PARD3B: variants seen among roughly 807,000 people sequenced by gnomAD.
PARD3B encodes par-3 family cell polarity regulator beta.
PARD3B carries 103 observed loss-of-function variants against 130.2 expected under a neutral mutation model. That is an observed-to-expected ratio of 0.79 (90% CI 0.67 to 0.93). PARD3B has a LOEUF of 0.93. PARD3B is among the 40% of genes least tolerant of loss of function. The pLI is 0.00. For synonymous variants in PARD3B, 583 were observed against 553.2 expected (o/e 1.05, Z -0.76); for missense variants, 1,609 against 1,499.2 (o/e 1.07, Z -1.21).
chr2:204,954,883 G>A (rs1188494695), intron 2 of PARD3B, among the ~76,000 whole-genome samples: 4 of 152,174 alleles, frequency 2.6e-5, no homozygotes, highest in Non-Finnish European at 4.4e-5. Flanking sequence ...TTCTTTATTT[G>A]TCTTTAGAAG....
intron 2 of PARD3B, among the ~76,000 whole-genome samples, chr2:204,860,265 C>T (rs1340891141): frequency 6.6e-6 from 1 of 151,984 alleles, no homozygotes; most frequent in African/African-American, 2.4e-5. Context: ...GAGCTTTTTG[C>T]CATCTTTAGA....
chr2:204,756,131 T>G (rs2125398492), intron 2 of PARD3B, among the ~76,000 whole-genome samples: 1 of 152,214 alleles, frequency 6.6e-6, no homozygotes, highest in South Asian at 2.1e-4. Flanking sequence ...ATGTTAGTGT[T>G]CTGGGCAAAG....
chr2:205,156,383 G>A (rs925870799), intron 10 of PARD3B, among the ~76,000 whole-genome samples: 2 of 151,464 alleles, frequency 1.3e-5, no homozygotes, highest in Non-Finnish European at 2.9e-5. Context: ...TGCACATTGT[G>A]CACATGTACC....
intron 22 of PARD3B, among the ~76,000 whole-genome samples, chr2:205,594,152 C>A (rs1251810692): frequency 2.0e-5 from 3 of 152,174 alleles, no homozygotes; most frequent in African/African-American, 7.2e-5. Context: ...TGGAGGCCAC[C>A]TACACAAATG....
chr2:204,987,579 C>G (rs1693275573), intron 3 of PARD3B, among the ~76,000 whole-genome samples: 1 of 152,144 alleles, frequency 6.6e-6, no homozygotes, highest in African/African-American at 2.4e-5. Context: ...TCTGTAGTCC[C>G]TGGCACAATG....
chr2:205,051,546 G>T (rs1246847409), intron 4 of PARD3B, among the ~76,000 whole-genome samples: 1 of 152,178 alleles, frequency 6.6e-6, no homozygotes, highest in Admixed American at 6.5e-5. Flanking sequence ...TTGAAATACT[G>T]CCTTTAAAAC....
chr2:205,069,274 T>A (rs1700573576), intron 4 of PARD3B, among the ~76,000 whole-genome samples: 1 of 152,086 alleles, frequency 6.6e-6, no homozygotes, highest in African/African-American at 2.4e-5. Context: ...TTTGGTTAGA[T>A]TTTTTTCTGG....
At chr2:204,932,176 A>G (rs1688083435) in intron 2 of PARD3B, among the ~76,000 whole-genome samples, 1 of 152,120 alleles carries the variant, frequency 6.6e-6, no homozygotes, top group African/African-American at 2.4e-5. Flanking sequence ...GATTGACACA[A>G]AAATTGTTCA....
chr2:204,567,432 C>G (rs2031741282), intron 1 of PARD3B, among the ~76,000 whole-genome samples: 2 of 152,144 alleles, frequency 1.3e-5, no homozygotes, highest in African/African-American at 4.8e-5. Context: ...AATTTGACTA[C>G]TCTAGATACC....
At chr2:204,674,594 G>A (rs2036449179) in intron 1 of PARD3B, among the ~76,000 whole-genome samples, 1 of 152,104 alleles carries the variant, frequency 6.6e-6, no homozygotes. Flanking sequence ...TTGTCTTAGA[G>A]TTAGTTTATT....
intron 3 of PARD3B, among the ~76,000 whole-genome samples, chr2:204,974,294 T>C (rs997549039): frequency 6.6e-5 from 10 of 152,320 alleles, no homozygotes; most frequent in Non-Finnish European, 1.2e-4. Flanking sequence ...GACTTGACTA[T>C]GGTTATGTAA....
chr2:205,562,998 T>C lies in PARD3B; in HGVS notation c.3260+9595T>C, dbSNP rs1348538226. ...TATTATAACATCTGATTTGTATGTT[T>C]GTGAGGCCTGTGCTTTATGATTATT... is the stretch of plus-strand genomic sequence containing the variant. On this transcript the variant is annotated intron_variant, in intron 22 of 22. Coordinates refer to ENST00000406610, the MANE Select transcript of PARD3B (RefSeq NM_001302769.2). This position sits in a 1 kb window ranked among gnomAD's most constrained non-coding sequence, Gnocchi z 5.4. 6.6e-6 allele frequency among the ~76,000 whole-genome samples: 1 copy of C among 152,238 alleles called. No individual in the cohort carries two copies. The highest frequency in any genetic ancestry group is 1.5e-5 in the Non-Finnish European group (1 of 68,038).
chr2:204,595,894 A>C (rs1362583508), intron 1 of PARD3B, among the ~76,000 whole-genome samples: 1 of 152,242 alleles, frequency 6.6e-6, no homozygotes, highest in Non-Finnish European at 1.5e-5. Flanking sequence ...CAGTGAAACA[A>C]AGAAGTAGAA....
chr2:205,138,711 A>G (rs767999504), intron 10 of PARD3B, among the ~76,000 whole-genome samples: 3 of 152,162 alleles, frequency 2.0e-5, no homozygotes, highest in Non-Finnish European at 4.4e-5. Context: ...ATTATGAAAG[A>G]TCTGTATATA....
rs2046387047 is a variant in PARD3B, at chr2:205,405,454, A to G, written c.2741+4331A>G. On this transcript the variant is annotated intron_variant, in intron 19 of 22. Coordinates refer to ENST00000406610, the MANE Select transcript of PARD3B (RefSeq NM_001302769.2). This position sits in a 1 kb window ranked among gnomAD's most constrained non-coding sequence, Gnocchi z 4.1. ...TTCACAAAGAGCAAGGTACTCTCCTAGACATCAGAATTGCATTGTGTCATA... is the reference window on the plus strand; with the variant it reads ...TTCACAAAGAGCAAGGTACTCTCCTGGACATCAGAATTGCATTGTGTCATA... Among the ~76,000 whole-genome samples the G allele has an allele frequency of 6.6e-6, 1 of 152,200 alleles. No individual in the cohort carries two copies.
chr2:205,099,957 A>T (rs976441123), intron 4 of PARD3B, among the ~76,000 whole-genome samples: 4 of 152,120 alleles, frequency 2.6e-5, no homozygotes, highest in Non-Finnish European at 5.9e-5. Context: ...CATTGACATG[A>T]TTTCTCCAAA....
intron 2 of PARD3B, among the ~76,000 whole-genome samples, chr2:204,753,636 C>T (rs2040552010): frequency 6.6e-6 from 1 of 152,102 alleles, no homozygotes; most frequent in Admixed American, 6.6e-5. Context: ...ATCTCTATGC[C>T]TCAATTTTCT....
chr2:204,770,864 G>T (rs1016792462), intron 2 of PARD3B, among the ~76,000 whole-genome samples: 10 of 152,036 alleles, frequency 6.6e-5, no homozygotes, highest in African/African-American at 2.4e-4. Context: ...CATTGACCAA[G>T]ATATGTTTAG....
chr2:205,112,140 C>T (rs1192811176), intron 5 of PARD3B, among the ~76,000 whole-genome samples: 1 of 152,046 alleles, frequency 6.6e-6, no homozygotes, highest in Non-Finnish European at 1.5e-5. Flanking sequence ...AAGCCTCTGA[C>T]ATAAGCTGCT....
Sources: gnomAD v4.1 joint callset for allele counts (sites outside exome capture counted in the v4.1 genomes callset) on GRCh38, gnomAD v4.1.1 for gene constraint, Gnocchi (gnomAD v3.1) non-coding constraint, MANE v1.5 for transcripts, NCBI Gene and HGNC (gene_info 2026-07-23, HGNC 2026-07-21) for gene names.